KLF13: variants seen among roughly 807,000 people sequenced by gnomAD.
The protein encoded by KLF13 is KLF transcription factor 13, also known as Krueppel-like factor 13.
Under a neutral mutation model 16.7 loss-of-function variants are expected in KLF13, and 8 were observed. That is an observed-to-expected ratio of 0.48 (90% CI 0.28 to 0.87). The LOEUF (loss-of-function observed/expected upper bound fraction) is 0.87. Among genes scored for constraint, KLF13 ranks in the 40% least tolerant of loss-of-function variants. KLF13 has a pLI of 0.10. For synonymous variants in KLF13, 245 were observed against 208.4 expected, an observed-to-expected ratio of 1.18 and a Z score of -1.51; for missense variants, 447 against 452.2, an observed-to-expected ratio of 0.99 and a Z score of 0.10.
chr15:31,332,771 G>A (rs533203759), intron 1 of KLF13, among the ~76,000 whole-genome samples: 14 of 152,318 alleles, frequency 9.2e-5, no homozygotes, highest in African/African-American at 3.4e-4. Flanking sequence ...GACATGGATG[G>A]CAGCTAAAGG....
At chr15:31,412,961 A>C (rs1481911535) in intron 1 of KLF13, among the ~76,000 whole-genome samples, 1 of 152,216 alleles carries the variant, frequency 6.6e-6, no homozygotes, top group African/African-American at 2.4e-5. Context: ...TCCTGGGGAA[A>C]AATATGAAGC....
chr15:31,327,561 C>T lies in KLF13; in HGVS notation c.349C>T (p.Pro117Ser). The T allele has an allele frequency of 3.5e-6, 4 of 1,131,806 alleles. No homozygotes were observed. The highest frequency in any genetic ancestry group is 4.3e-6 in the Non-Finnish European group (4 of 920,834). 70.1% of individuals were successfully genotyped at this position (1,131,806 alleles called of 1,614,324 possible). ...CGGCGCCGAAGGCGCGGCGGCCGCG[C>T]CCCCCAGCCCGGCGTGGAGCGAGCC... The part of the protein sequence containing the change: ...SPGAEGAAAA[P>S]PSPAWSEPEP... The change falls in exon 1 of 2, where the codon CCC (proline) becomes TCC (serine). Residue 117 changes from proline (P) to serine (S), a missense_variant. By Grantham distance (74) the Pro-to-Ser change is moderately conservative. Transcript: ENST00000307145.
chr15:31,366,729 C>CGTCACTGTGTGCCCCCCTGTG (rs2039477648), intron 1 of KLF13, among the ~76,000 whole-genome samples: 1 of 150,170 alleles, frequency 6.7e-6, no homozygotes, highest in African/African-American at 2.5e-5. Flanking sequence ...TGGCCCCTCA[C>CGTCACTGTGTGCCCCCCTGTG]CTCACTGTGT....
At chr15:31,379,229 A>G (rs12437800), downstream of KLF13, among the ~76,000 whole-genome samples, 7,364 of 152,320 alleles carry the variant, frequency 0.048, 277 homozygotes, top group East Asian at 0.12. Flanking sequence ...CTGAACAGTC[A>G]TAAAAACAAG....
chr15:31,382,386 G>A (rs1172972279), downstream of KLF13, among the ~76,000 whole-genome samples: 1 of 152,204 alleles, frequency 6.6e-6, no homozygotes, highest in African/African-American at 2.4e-5. Flanking sequence ...CCTTCTCAAG[G>A]TCACACAGCT....
downstream of KLF13, among the ~76,000 whole-genome samples, chr15:31,405,500 G>A (rs2040115225): frequency 6.6e-6 from 1 of 152,234 alleles, no homozygotes; most frequent in South Asian, 2.1e-4. Flanking sequence ...AATTTCTGCT[G>A]TTTATAACCA....
intron 1 of KLF13, among the ~76,000 whole-genome samples, chr15:31,360,880 C>T (rs2039372766): frequency 6.6e-6 from 1 of 152,202 alleles, no homozygotes; most frequent in Non-Finnish European, 1.5e-5. Context: ...CCTGAGAAAA[C>T]TGAGCCTGCT....
At position 31,376,548 on chromosome 15, in the gene KLF13, C is replaced by A. The variant is rs1293924967; in HGVS notation, c.*4249C>A. The stretch of plus-strand genomic sequence containing the variant: ...CTGATGGTTTTTGAAATCAGGATTA[C>A]CCCAGGAAGAACCAGGTCCTATTAC... On this transcript the variant is annotated 3_prime_UTR_variant, in exon 2 of 2. Transcript: ENST00000307145. 6.6e-6 allele frequency: 1 copy of A among 152,552 alleles called. No individual in the cohort carries two copies. Among genetic ancestry groups the A allele is most frequent in the East Asian group, 1.9e-4 (1 of 5,182 alleles). The allele number at this position is 152,552 out of a possible 1,614,324, so 9.4% of individuals were successfully genotyped here. A position where few individuals can be genotyped will look rare whatever the true frequency, so the allele number is the denominator to read the frequency against.
At chr15:31,364,530 ATTG>A (rs1486526308) in intron 1 of KLF13, among the ~76,000 whole-genome samples, 1 of 152,222 alleles carries the variant, frequency 6.6e-6, no homozygotes, top group East Asian at 1.9e-4. Flanking sequence ...AGGTGATAAC[ATTG>A]TTATCTCCTC....
chr15:31,370,771 A>G (rs2039545278), intron 1 of KLF13, among the ~76,000 whole-genome samples: 1 of 152,076 alleles, frequency 6.6e-6, no homozygotes, highest in Non-Finnish European at 1.5e-5. Flanking sequence ...TTTGCATCAA[A>G]TTTCATCTCA....
downstream of KLF13, among the ~76,000 whole-genome samples, chr15:31,405,045 C>A (rs1454777563): frequency 1.3e-5 from 2 of 152,096 alleles, no homozygotes; most frequent in Non-Finnish European, 2.9e-5. Context: ...AACCATGTGC[C>A]CCTGAAACTC....
intron 1 of KLF13, among the ~76,000 whole-genome samples, chr15:31,348,328 G>T (rs960407875): frequency 5.3e-5 from 8 of 152,198 alleles, no homozygotes; most frequent in African/African-American, 1.9e-4. Context: ...TGTCAGCCCA[G>T]CCTCCAGTGC....
At chr15:31,345,028 T>TG (rs1328024539) in intron 1 of KLF13, among the ~76,000 whole-genome samples, 1 of 152,114 alleles carries the variant, frequency 6.6e-6, no homozygotes, top group Non-Finnish European at 1.5e-5. Flanking sequence ...CCAGGCTCTG[T>TG]GGGTCAGGGT....
At chr15:31,429,625 A>G (rs2040444811) in intron 1 of KLF13, among the ~76,000 whole-genome samples, 1 of 152,216 alleles carries the variant, frequency 6.6e-6, no homozygotes, top group Admixed American at 6.5e-5. Flanking sequence ...AAAGATGAAA[A>G]GCAAAACAAT....
Position 31,327,294 on chromosome 15 carries a change from C to T in KLF13, c.82C>T (p.Arg28Trp). ...MSSRAVVHGP[R>W]EGPESRPEGA... ...GAGCCGCGCGGTCGTGCACGGGCCG[C>T]GGGAGGGGCCGGAGTCCCGGCCCGA... The change falls in exon 1 of 2, where the codon CGG (arginine) becomes TGG (tryptophan). Residue 28 changes from arginine (R) to tryptophan (W), a missense_variant. This residue lies in a region of KLF13 where 359 missense variants were observed against 282.8 expected (regional missense o/e 1.27). Coordinates refer to ENST00000307145, the MANE Select transcript of KLF13 (RefSeq NM_015995.4). 3 of 1,309,040 alleles carry T rather than the reference C, an allele frequency of 2.3e-6. No homozygotes were observed. Among genetic ancestry groups the T allele is most frequent in the Non-Finnish European group, 2.9e-6 (3 of 1,032,054 alleles). The allele number at this position is 1,309,040 out of a possible 1,614,324, so 81.1% of individuals were successfully genotyped here.
At chr15:31,420,626 C>A (rs1266165579) in intron 1 of KLF13, 3 of 413,514 alleles carry the variant, frequency 7.3e-6, no homozygotes, top group Non-Finnish European at 9.2e-6. Context: ...CTTCAAGAAA[C>A]CTATTCAAAG....
intron 1 of KLF13, among the ~76,000 whole-genome samples, chr15:31,363,018 G>C (rs531124600): frequency 6.6e-6 from 1 of 152,364 alleles, no homozygotes; most frequent in African/African-American, 2.4e-5. Context: ...TTGTAGGTGT[G>C]CAAATGCGTT....
At chr15:31,430,104 T>A (rs917607293) in intron 1 of KLF13, among the ~76,000 whole-genome samples, 78 of 152,078 alleles carry the variant, frequency 5.1e-4, no homozygotes, top group African/African-American at 1.8e-3. Flanking sequence ...TTAAACAAGG[T>A]CCAAACAGCA....
chr15:31,405,047 C>T (rs747606760), downstream of KLF13, among the ~76,000 whole-genome samples: 5 of 152,154 alleles, frequency 3.3e-5, no homozygotes, highest in African/African-American at 4.8e-5. Flanking sequence ...CCATGTGCCC[C>T]TGAAACTCAT....
Sources: gnomAD v4.1 joint callset for allele counts (sites outside exome capture counted in the v4.1 genomes callset) on GRCh38, gnomAD v4.1.1 for gene constraint, gnomAD v4.1.1 regional missense constraint, MANE v1.5 for transcripts, NCBI Gene and HGNC (gene_info 2026-07-23, HGNC 2026-07-21) for gene names.